The following S100A11 variants were observed in gnomAD, a reference collection of about 807,000 sequenced individuals.
S100A11 encodes the protein S100 calcium binding protein A11, also known as protein S100-A11.
Under a neutral mutation model 7.4 loss-of-function variants are expected in S100A11, and 5 were observed. That is an observed-to-expected ratio of 0.68 (90% confidence interval 0.35 to 1.42). The LOEUF is 1.42. Among genes scored for constraint, S100A11 ranks in the 40% most tolerant of loss-of-function variants. The pLI is 0.04. For missense variants in S100A11, 96 were observed against 125.0 expected (o/e 0.77, Z 1.11); for synonymous variants, 47 against 46.6 (o/e 1.01, Z -0.04).
At chr1:152,036,206 G>A (rs1288881322) in intron 1 of S100A11, among the ~76,000 whole-genome samples, 5 of 152,142 alleles carry the variant, frequency 3.3e-5, no homozygotes, top group African/African-American at 4.8e-5. Context: ...AGATTTTGGA[G>A]GTGGAATTAT....
At position 152,036,882 on chromosome 1, in the gene S100A11, TAAG is replaced by T. The variant is rs111347692; in HGVS notation, c.3+28_3+30del. The T allele has an allele frequency of 1.6e-3, 2,402 of 1,543,568 alleles. 1 individual carries two copies. The highest frequency in any genetic ancestry group is 2.7e-3 in the African/African-American group (199 of 73,330). ...TTTTTCTTTTCTTTTTCTTTTCATGTAAGAAGAAGAAGAAGAAAAGTGAGGCTT... is the reference window on the plus strand; with the variant it reads ...TTTTTCTTTTCTTTTTCTTTTCATGTAAGAAGAAGAAGAAAAGTGAGGCTT... On this transcript the variant is annotated intron_variant, in intron 1 of 2. Transcript: ENST00000271638.
Position 152,032,821 on chromosome 1 carries a change from G to A in S100A11, c.159C>T (p.Asn53=), listed in dbSNP as rs775963339. The A allele has an allele frequency of 1.6e-5, 25 of 1,604,808 alleles. No homozygotes were observed. Among genetic ancestry groups the A allele is most frequent in the Non-Finnish European group, 1.9e-5 (22 of 1,172,962 alleles). ...GGTCAAGGACACCAGGGTCCTTCTG[G>A]TTCTGCAGAGAAAATAATAATTACA... ...MNTELAAFTK[N]QKDPGVLDRM... The change falls in exon 3 of 3, where the codon AAC becomes AAT. Residue 53 remains asparagine (N), a splice_region_variant and synonymous_variant. Transcript: ENST00000271638.
In S100A11 at chr1:152,033,749, C is replaced by T. The variant is rs1216838337; in HGVS notation, c.55G>A (p.Ala19Thr). The change falls in exon 2 of 3, where the codon GCT becomes ACT. Residue 19 changes from alanine (A) to threonine (T), a missense_variant. Ala to Thr is a moderately conservative substitution (Grantham distance 58, BLOSUM62 0). Transcript: ENST00000271638. This position sits in a 1 kb window ranked among gnomAD's most constrained non-coding sequence, Gnocchi z 4.0. Reference protein sequence around the residue: ...ETERCIESLIAVFQKYAGKDG... With the variant: ...ETERCIESLITVFQKYAGKDG... Reference sequence around the variant, plus strand: ...TTTCCAGCATACTTCTGGAAGACAGCAATCAGGGACTCGATGCACCGCTCA... The same window carrying T: ...TTTCCAGCATACTTCTGGAAGACAGTAATCAGGGACTCGATGCACCGCTCA... 1.2e-6 allele frequency: 2 copies of T among 1,613,666 alleles called. No individual in the cohort carries two copies. The highest frequency in any genetic ancestry group is 2.7e-5 in the African/African-American group (2 of 74,882).
intron 1 of S100A11, among the ~76,000 whole-genome samples, chr1:152,036,141 C>T (rs1406923142): frequency 6.6e-6 from 1 of 152,074 alleles, no homozygotes; most frequent in East Asian, 1.9e-4. Flanking sequence ...ACAGAAAACC[C>T]GACTTGGCCC....
chr1:152,036,029 T>A (rs1199396456), intron 1 of S100A11, among the ~76,000 whole-genome samples: 1 of 152,192 alleles, frequency 6.6e-6, no homozygotes. Context: ...GACGCTGAAG[T>A]TTGATTTCCA....
intron 1 of S100A11, among the ~76,000 whole-genome samples, chr1:152,036,670 G>T (rs1656840380): frequency 6.6e-6 from 1 of 150,960 alleles, no homozygotes; most frequent in African/African-American, 2.5e-5. Context: ...CCTGGGCCTT[G>T]TCGTGACTGG....
rs1656847023 is a variant in S100A11, at chr1:152,036,960, C to A, written c.-45G>T. 2 of 1,612,540 alleles carry A rather than the reference C, an allele frequency of 1.2e-6. No homozygotes were observed. The highest frequency in any genetic ancestry group is 2.7e-5 in the African/African-American group (2 of 74,866). ...CGGGAGGCTGTGGCTGGGAGCGGCG[C>A]TGAGAGCTCTGTGCGCGCGGCGTGC... On this transcript the variant is annotated 5_prime_UTR_variant, in exon 1 of 3. Transcript: ENST00000271638.
intron 2 of S100A11, 83 bp from the exon 3 acceptor site, chr1:152,032,906 G>T: frequency 9.3e-7 from 1 of 1,072,282 alleles, no homozygotes; most frequent in East Asian, 2.4e-5. Flanking sequence ...ATTCTCACAG[G>T]AGTATAAGGT....
At chr1:152,036,846 T>G in intron 1 of S100A11, 67 bp downstream of exon 1, 4 of 1,360,610 alleles carry the variant, frequency 2.9e-6, no homozygotes, top group Non-Finnish European at 4.2e-6. Context: ...TGCTGGGAAG[T>G]ATGTGGGTTT....
Position 152,033,552 on chromosome 1 carries a change from G to A in S100A11, c.156+96C>T, listed in dbSNP as rs1355384483. ...AGTTAAAATGAAGCAAGAGTGTGGG[G>A]TGTCAGTTGCTGCTCCTTCATTCCT... is the stretch of plus-strand genomic sequence containing the variant. On this transcript the variant is annotated intron_variant, in intron 2 of 2. Coordinates refer to ENST00000271638, the MANE Select transcript of S100A11 (RefSeq NM_005620.2). This position sits in a 1 kb window ranked among gnomAD's most constrained non-coding sequence, Gnocchi z 4.0. 1 of 1,111,560 alleles carries A rather than the reference G, an allele frequency of 9.0e-7. No homozygotes were observed. Among genetic ancestry groups the A allele is most frequent in the East Asian group, 2.4e-5 (1 of 42,172 alleles). 68.9% of individuals were successfully genotyped at this position (1,111,560 alleles called of 1,614,324 possible). A position where few individuals can be genotyped will look rare whatever the true frequency, so the allele number is the denominator to read the frequency against.
At chr1:152,035,905 T>G (rs1656822156) in intron 1 of S100A11, among the ~76,000 whole-genome samples, 1 of 152,232 alleles carries the variant, frequency 6.6e-6, no homozygotes, top group Non-Finnish European at 1.5e-5. Context: ...AACTATTGTC[T>G]TCTCATTCTT....
chr1:152,034,559 G>A (rs191930523), intron 1 of S100A11, among the ~76,000 whole-genome samples: 16 of 152,250 alleles, frequency 1.1e-4, no homozygotes, highest in Non-Finnish European at 2.2e-4. Flanking sequence ...AAACCAGGAA[G>A]CTCTCAGGTT....
Position 152,033,856 on chromosome 1 carries a change from C to T in S100A11, c.4-56G>A, listed in dbSNP as rs1050557073. 6.8e-7 allele frequency: 1 copy of T among 1,470,802 alleles called. No individual in the cohort carries two copies. Among genetic ancestry groups the T allele is most frequent in the Non-Finnish European group, 9.5e-7 (1 of 1,053,602 alleles). 91.1% of individuals were successfully genotyped at this position (1,470,802 alleles called of 1,614,324 possible). A position where few individuals can be genotyped will look rare whatever the true frequency, so the allele number is the denominator to read the frequency against. On this transcript the variant is annotated intron_variant, in intron 1 of 2. Coordinates refer to ENST00000271638, the MANE Select transcript of S100A11 (RefSeq NM_005620.2). This position sits in a 1 kb window ranked among gnomAD's most constrained non-coding sequence, Gnocchi z 4.0. ...CAAGGGAAGATGTCAAGGCTGGATA[C>T]TGGAGAAAACTCCAGGGACTCTTAT...
Position 152,032,715 on chromosome 1 carries a change from T to C in S100A11, c.265A>G (p.Met89Val), listed in dbSNP as rs144363302. The C allele has an allele frequency of 9.9e-6, 16 of 1,613,922 alleles. No individual in the cohort carries two copies. The African/African-American group carries it at 1.6e-4, about 16-fold the overall frequency. ...TTGAGGAAGGAGTCATGGCAAGCCATAGCTAGGCCACCAATCAGATTAAGA... is the reference window on the plus strand; with the variant it reads ...TTGAGGAAGGAGTCATGGCAAGCCACAGCTAGGCCACCAATCAGATTAAGA... ...EFLNLIGGLAMACHDSFLKAV... is the reference protein window; with the variant it reads ...EFLNLIGGLAVACHDSFLKAV... Residue 89 changes from methionine to valine, a missense_variant, in exon 3 of 3, where the codon ATG (methionine) becomes GTG (valine). Coordinates refer to ENST00000271638, the MANE Select transcript of S100A11 (RefSeq NM_005620.2).
Position 152,033,561 on chromosome 1 carries a change from G to T in S100A11, c.156+87C>A. On this transcript the variant is annotated intron_variant, in intron 2 of 2. Coordinates refer to ENST00000271638, the MANE Select transcript of S100A11 (RefSeq NM_005620.2). This position sits in a 1 kb window ranked among gnomAD's most constrained non-coding sequence, Gnocchi z 4.0. ...GAAGCAAGAGTGTGGGGTGTCAGTTGCTGCTCCTTCATTCCTGGCCATTCT... is the reference window on the plus strand; with the variant it reads ...GAAGCAAGAGTGTGGGGTGTCAGTTTCTGCTCCTTCATTCCTGGCCATTCT... 3 of 1,282,072 alleles carry T rather than the reference G, an allele frequency of 2.3e-6. No homozygotes were observed. The highest frequency in any genetic ancestry group is 3.4e-6 in the Non-Finnish European group (3 of 891,806). 79.4% of individuals were successfully genotyped at this position (1,282,072 alleles called of 1,614,324 possible). A position where few individuals can be genotyped will look rare whatever the true frequency, so the allele number is the denominator to read the frequency against.
intron 1 of S100A11, among the ~76,000 whole-genome samples, chr1:152,036,466 C>G (rs545910289): frequency 2.0e-5 from 3 of 152,196 alleles, no homozygotes; most frequent in Non-Finnish European, 4.4e-5. Context: ...GCTAGACGAC[C>G]AAGTTCTAAA....
chr1:152,033,834 G>T lies in S100A11; in HGVS notation c.4-34C>A. ...AAAAAAAATTGCAGGGCTCAGACAA[G>T]GGAAGATGTCAAGGCTGGATACTGG... On this transcript the variant is annotated intron_variant, in intron 1 of 2. Coordinates refer to ENST00000271638, the MANE Select transcript of S100A11 (RefSeq NM_005620.2). The surrounding 1 kb of genome is among the most constrained non-coding windows in gnomAD (Gnocchi z 4.0). 1 of 1,603,172 alleles carries T rather than the reference G, an allele frequency of 6.2e-7. No individual in the cohort carries two copies. Among genetic ancestry groups the T allele is most frequent in the Non-Finnish European group, 8.5e-7 (1 of 1,170,288 alleles).
At chr1:152,036,824 A>AGCAGAC in intron 1 of S100A11, 89 bp downstream of exon 1, 1 of 1,208,466 alleles carries the variant, frequency 8.3e-7, no homozygotes, top group East Asian at 2.3e-5. Context: ...CACATAAGTC[A>AGCAGAC]AAGATAAAGT....
Position 152,036,947 on chromosome 1 carries a change from G to A in S100A11, c.-32C>T. 1 of 1,613,336 alleles carries A rather than the reference G, an allele frequency of 6.2e-7. No homozygotes were observed. The highest frequency in any genetic ancestry group is 1.1e-5 in the South Asian group (1 of 91,052). ...GCTGAGCGAGGCGCGGGAGGCTGTG[G>A]CTGGGAGCGGCGCTGAGAGCTCTGT... On this transcript the variant is annotated 5_prime_UTR_variant, in exon 1 of 3. Transcript: ENST00000271638.
Sources: gnomAD v4.1 joint callset for allele counts (sites outside exome capture counted in the v4.1 genomes callset) on GRCh38, gnomAD v4.1.1 for gene constraint, Gnocchi (gnomAD v3.1) non-coding constraint, MANE v1.5 for transcripts, NCBI Gene and HGNC (gene_info 2026-07-23, HGNC 2026-07-21) for gene names.